LSAMP: variants seen among roughly 807,000 people sequenced by gnomAD.
The protein encoded by LSAMP is limbic system associated membrane protein, also known as limbic system-associated membrane protein.
Under a neutral mutation model 38.6 loss-of-function variants are expected in LSAMP, and 7 were observed. That is an observed-to-expected ratio of 0.18 (90% CI 0.10 to 0.34). The LOEUF (loss-of-function observed/expected upper bound fraction) is 0.34. Among genes scored for constraint, LSAMP ranks in the 10% least tolerant of loss-of-function variants. LSAMP has a pLI of 1.00. For missense variants in LSAMP, 313 were observed against 420.0 expected (o/e 0.75, Z 2.23); for synonymous variants, 154 against 166.8 (o/e 0.92, Z 0.59).
intron 1 of LSAMP, among the ~76,000 whole-genome samples, chr3:116,135,817 A>G (rs889550036): frequency 6.6e-6 from 1 of 152,172 alleles, no homozygotes; most frequent in African/African-American, 2.4e-5. Context: ...ATTGAAGATA[A>G]TGCATCCCAT....
intron 3 of LSAMP, among the ~76,000 whole-genome samples, chr3:115,983,720 G>C (rs1939430233): frequency 6.6e-6 from 1 of 152,108 alleles, no homozygotes; most frequent in Non-Finnish European, 1.5e-5. Flanking sequence ...ACAGAGGGGA[G>C]GGCAGAACAC....
chr3:115,948,451 G>A (rs1363962582), intron 3 of LSAMP, among the ~76,000 whole-genome samples: 2 of 152,070 alleles, frequency 1.3e-5, no homozygotes, highest in Non-Finnish European at 2.9e-5. Context: ...ACAGTGAAAT[G>A]AAACTGGAAA....
At chr3:115,950,341 A>T (rs1938241250) in intron 3 of LSAMP, among the ~76,000 whole-genome samples, 1 of 152,088 alleles carries the variant, frequency 6.6e-6, no homozygotes, top group Admixed American at 6.5e-5. Flanking sequence ...AACCCTACAG[A>T]CTCATCCAAA....
intron 1 of LSAMP, among the ~76,000 whole-genome samples, chr3:116,347,454 G>GTAAC (rs1168657674): frequency 1.3e-5 from 2 of 152,136 alleles, no homozygotes; most frequent in African/African-American, 4.8e-5. Context: ...AGAATTGATA[G>GTAAC]TAACTGTGGT....
At position 116,202,013 on chromosome 3, in the gene LSAMP, CTTTAA is replaced by C. The variant is rs766240002; in HGVS notation, c.156-115462_156-115458del. Among the ~76,000 whole-genome samples, 199 of 152,276 alleles carry C rather than the reference CTTTAA, an allele frequency of 1.3e-3. 1 individual carries two copies. Among genetic ancestry groups the C allele is most frequent in the Non-Finnish European group, 1.2e-3 (84 of 68,022 alleles). ...ATAAACTCCCCTCTTCCCCTGTGGTCTTTAATTTATTCTCTGACCCTTATGATTCC... is the reference window on the plus strand; with the variant it reads ...ATAAACTCCCCTCTTCCCCTGTGGTCTTTATTCTCTGACCCTTATGATTCC... On this transcript the variant is annotated intron_variant, in intron 1 of 6. Transcript: ENST00000490035.
At chr3:116,091,116 AC>A (rs920150345) in intron 1 of LSAMP, among the ~76,000 whole-genome samples, 3 of 152,128 alleles carry the variant, frequency 2.0e-5, no homozygotes, top group African/African-American at 7.2e-5. Context: ...TCAGAGACCT[AC>A]CCCCAGGTGC....
chr3:116,103,231 C>T (rs1163140865), intron 1 of LSAMP, among the ~76,000 whole-genome samples: 1 of 151,890 alleles, frequency 6.6e-6, no homozygotes, highest in Non-Finnish European at 1.5e-5. Flanking sequence ...TTTGGGAGGC[C>T]CAGGTGGGCA....
At chr3:116,285,905 G>C (rs965462284) in intron 1 of LSAMP, among the ~76,000 whole-genome samples, 9 of 152,162 alleles carry the variant, frequency 5.9e-5, no homozygotes, top group Non-Finnish European at 1.3e-4. Flanking sequence ...TGCCACTCCA[G>C]GGTAGTTTCA....
intron 3 of LSAMP, among the ~76,000 whole-genome samples, chr3:115,999,770 C>G (rs545458776): frequency 1.6e-4 from 25 of 152,124 alleles, no homozygotes; most frequent in Non-Finnish European, 2.8e-4. Flanking sequence ...GGGAGGGAGG[C>G]TGCCTCGGGC....
At position 115,830,112 on chromosome 3, in the gene LSAMP, A is replaced by T. The variant is rs900012643; in HGVS notation, c.919+11733T>A. On this transcript the variant is annotated intron_variant, in intron 6 of 6. Transcript: ENST00000490035. ...ACTGAATTACAGGAACAATGCAAGT[A>T]ATTATCCATGATTAATAGAGGTGTA... 7.5e-4 allele frequency among the ~76,000 whole-genome samples: 114 copies of T among 152,216 alleles called. 2 individuals are homozygous for T. Among genetic ancestry groups the T allele is most frequent in the Admixed American group, 1.8e-3 (28 of 15,274 alleles).
intron 3 of LSAMP, among the ~76,000 whole-genome samples, chr3:115,871,459 CAG>C (rs1425447991): frequency 6.6e-6 from 1 of 151,968 alleles, no homozygotes; most frequent in Non-Finnish European, 1.5e-5. Flanking sequence ...TCAGGAAAGG[CAG>C]AGTCAGAGGA....
At chr3:116,278,408 A>T (rs755547079) in intron 1 of LSAMP, among the ~76,000 whole-genome samples, 13 of 152,156 alleles carry the variant, frequency 8.5e-5, no homozygotes, top group Non-Finnish European at 1.5e-4. Flanking sequence ...CTCCACCTGA[A>T]GTTATTATCC....
intron 1 of LSAMP, among the ~76,000 whole-genome samples, chr3:116,323,768 T>C (rs1339331237): frequency 6.6e-6 from 1 of 152,108 alleles, no homozygotes; most frequent in Admixed American, 6.5e-5. Context: ...TCAAAAACTT[T>C]TAGAACACAT....
chr3:115,923,057 T>C (rs759685726), intron 3 of LSAMP, among the ~76,000 whole-genome samples: 24 of 152,206 alleles, frequency 1.6e-4, no homozygotes, highest in Admixed American at 1.2e-3. Flanking sequence ...TTACTCTCTC[T>C]TAAAAGAGAA....
intron 1 of LSAMP, among the ~76,000 whole-genome samples, chr3:116,160,912 C>G (rs1031624102): frequency 6.6e-6 from 1 of 152,274 alleles, no homozygotes; most frequent in South Asian, 2.1e-4. Flanking sequence ...ATTCTACACA[C>G]TGCATTTAGA....
At chr3:116,006,165 T>G (rs1940153620) in intron 3 of LSAMP, among the ~76,000 whole-genome samples, 1 of 152,134 alleles carries the variant, frequency 6.6e-6, no homozygotes, top group African/African-American at 2.4e-5. Context: ...ATGAGGCTTT[T>G]GGGTGATAAT....
chr3:116,198,434 G>C (rs9834897), intron 1 of LSAMP, among the ~76,000 whole-genome samples: 121,622 of 152,058 alleles, frequency 0.8, 49,482 homozygotes, highest in East Asian at 0.91. Context: ...GGGTGGGAGT[G>C]ATGCTTAGTT....
chr3:116,031,034 A>G (rs1940907291), intron 2 of LSAMP, among the ~76,000 whole-genome samples: 1 of 152,132 alleles, frequency 6.6e-6, no homozygotes, highest in South Asian at 2.1e-4. Flanking sequence ...AATTGAAAAA[A>G]TTGAATGTGA....
chr3:116,049,975 C>T (rs1244964309), intron 2 of LSAMP, among the ~76,000 whole-genome samples: 2 of 152,168 alleles, frequency 1.3e-5, no homozygotes, highest in Non-Finnish European at 2.9e-5. Context: ...GCTGGATACC[C>T]TCCATTTACA....
Sources: gnomAD v4.1 joint callset for allele counts (sites outside exome capture counted in the v4.1 genomes callset) on GRCh38, gnomAD v4.1.1 for gene constraint, MANE v1.5 for transcripts, NCBI Gene and HGNC (gene_info 2026-07-23, HGNC 2026-07-21) for gene names.